CNTN6: variants seen among roughly 807,000 people sequenced by gnomAD.
CNTN6 encodes the protein contactin-6.
Under a neutral mutation model 122.8 loss-of-function variants are expected in CNTN6, and 137 were observed. The observed-to-expected ratio is 1.12, with a 90% confidence interval of 0.97 to 1.29. The LOEUF is 1.29. Ranked by LOEUF, CNTN6 falls within the 50% of genes most tolerant of loss-of-function variation. CNTN6 has a pLI of 0.00. For synonymous variants in CNTN6, 570 were observed against 426.0 expected (o/e 1.34, Z -4.16); for missense variants, 1,634 against 1,223.4 (o/e 1.34, Z -5.01).
At chr3:1,110,863 G>T (rs143935547) in intron 1 of CNTN6, among the ~76,000 whole-genome samples, 201 of 152,262 alleles carry the variant, frequency 1.3e-3, no homozygotes, top group African/African-American at 4.2e-3. Context: ...TCCGATGACA[G>T]AATCAACCTT....
Position 1,401,536 on chromosome 3 carries a change from G to A in CNTN6, c.2808G>A (p.Leu936=). Residue 936 remains leucine, a synonymous_variant, in exon 21 of 23, where the codon TTG becomes TTA. Coordinates refer to ENST00000446702, the MANE Select transcript of CNTN6 (RefSeq NM_001289080.2). ...CCATGGAAAATGAGTCTGAAGTTTTGGGGTACAAGGTGAGTTTTTAGTTTT... is the reference window on the plus strand; with the variant it reads ...CCATGGAAAATGAGTCTGAAGTTTTAGGGTACAAGGTGAGTTTTTAGTTTT... ...VKTMENESEV[L]GYKILYRQNR... is the part of the protein sequence containing the mutation. 2 of 1,608,150 alleles carry A rather than the reference G, an allele frequency of 1.2e-6. No individual in the cohort carries two copies. Among genetic ancestry groups the A allele is most frequent in the African/African-American group, 1.3e-5 (1 of 74,716 alleles).
chr3:1,330,874 A>C (rs265770), intron 11 of CNTN6, among the ~76,000 whole-genome samples: 1,816 of 152,056 alleles, frequency 0.012, 41 homozygotes, highest in African/African-American at 0.042. Flanking sequence ...GGATAGTCAC[A>C]ACTCCAAATT....
intron 11 of CNTN6, among the ~76,000 whole-genome samples, chr3:1,337,908 C>A (rs145855849): frequency 4.1e-4 from 62 of 152,174 alleles, no homozygotes; most frequent in African/African-American, 1.5e-3. Context: ...ATTCCCCTTT[C>A]TTTATCCCCA....
At chr3:1,139,806 T>C (rs1209981004) in intron 1 of CNTN6, among the ~76,000 whole-genome samples, 1 of 152,158 alleles carries the variant, frequency 6.6e-6, no homozygotes. Context: ...TGGTTACAGA[T>C]TGGCATTTGC....
At chr3:1,360,123 G>A (rs961229714) in intron 12 of CNTN6, among the ~76,000 whole-genome samples, 3 of 151,974 alleles carry the variant, frequency 2.0e-5, no homozygotes, top group Non-Finnish European at 2.9e-5. Flanking sequence ...GTTTGAAAGT[G>A]TCTTTATTCT....
intron 4 of CNTN6, among the ~76,000 whole-genome samples, chr3:1,241,744 A>G (rs2094487992): frequency 6.6e-6 from 1 of 152,332 alleles, no homozygotes; most frequent in Admixed American, 6.5e-5. Context: ...AAGAATATGC[A>G]GAGTCCTCCT....
At chr3:1,295,091 A>G (rs966296324) in intron 5 of CNTN6, among the ~76,000 whole-genome samples, 5 of 152,192 alleles carry the variant, frequency 3.3e-5, no homozygotes, top group African/African-American at 1.2e-4. Flanking sequence ...CATCTCTTTA[A>G]AAATAAAAAA....
chr3:1,245,300 A>ATATATAT (rs1559597356), intron 4 of CNTN6, among the ~76,000 whole-genome samples: 35 of 5,688 alleles, frequency 6.2e-3, no homozygotes, highest in Non-Finnish European at 9.8e-3. Context: ...TATAACATAT[A>ATATATAT]TATATATATA....
At chr3:1,229,214 G>T (rs2094323980) in intron 4 of CNTN6, among the ~76,000 whole-genome samples, 1 of 152,122 alleles carries the variant, frequency 6.6e-6, no homozygotes, top group Non-Finnish European at 1.5e-5. Context: ...TATAACACTT[G>T]ATTTCTTCAT....
chr3:1,282,619 G>A (rs1344758274), intron 5 of CNTN6, among the ~76,000 whole-genome samples: 2 of 152,130 alleles, frequency 1.3e-5, no homozygotes, highest in Non-Finnish European at 2.9e-5. Flanking sequence ...GAGAAATGTA[G>A]GTTTCACGAA....
At chr3:1,269,568 T>A (rs2094987745) in intron 4 of CNTN6, among the ~76,000 whole-genome samples, 1 of 152,220 alleles carries the variant, frequency 6.6e-6, no homozygotes, top group Non-Finnish European at 1.5e-5. Context: ...TTTATTTTTG[T>A]CATAAGTGTC....
intron 2 of CNTN6, among the ~76,000 whole-genome samples, chr3:1,199,593 T>C (rs1434435897): frequency 6.6e-6 from 1 of 152,194 alleles, no homozygotes. Context: ...AAAAATGCCA[T>C]GAAATATATT....
At chr3:1,363,093 C>T (rs1707714928) in intron 12 of CNTN6, among the ~76,000 whole-genome samples, 1 of 149,722 alleles carries the variant, frequency 6.7e-6, no homozygotes, top group South Asian at 2.1e-4. Context: ...ATCCCCATCA[C>T]TTAAAAAAAT....
intron 2 of CNTN6, among the ~76,000 whole-genome samples, chr3:1,199,823 A>G (rs925238223): frequency 1.3e-5 from 2 of 152,282 alleles, no homozygotes; most frequent in Admixed American, 6.5e-5. Context: ...CTTGTGAATC[A>G]TTTTGGCGTT....
intron 2 of CNTN6, among the ~76,000 whole-genome samples, chr3:1,160,711 T>C (rs973631102): frequency 1.3e-5 from 2 of 151,302 alleles, no homozygotes; most frequent in African/African-American, 4.8e-5. Flanking sequence ...TAGGCTTCCA[T>C]AGAATTTGTG....
intron 2 of CNTN6, among the ~76,000 whole-genome samples, chr3:1,207,007 T>C (rs913666555): frequency 6.6e-6 from 1 of 152,158 alleles, no homozygotes; most frequent in African/African-American, 2.4e-5. Context: ...TGTTTTGCTT[T>C]GTATACACTC....
intron 2 of CNTN6, among the ~76,000 whole-genome samples, chr3:1,168,786 T>C (rs998354672): frequency 6.6e-6 from 1 of 152,136 alleles, no homozygotes; most frequent in Non-Finnish European, 1.5e-5. Context: ...CAGAGCAATT[T>C]CTAGGCTTAG....
At chr3:1,126,395 T>C (rs1444437596) in intron 1 of CNTN6, among the ~76,000 whole-genome samples, 2 of 151,930 alleles carry the variant, frequency 1.3e-5, no homozygotes. Context: ...GAGAGTCCAT[T>C]TGGCTCAGAG....
chr3:1,343,175 A>G (rs1018113575), intron 11 of CNTN6, among the ~76,000 whole-genome samples: 9 of 152,214 alleles, frequency 5.9e-5, no homozygotes, highest in African/African-American at 2.2e-4. Context: ...GTAAAAATAC[A>G]TTGTATAATG....
Sources: allele counts gnomAD v4.1 joint callset (sites outside exome capture counted in the v4.1 genomes callset), GRCh38; gene constraint gnomAD v4.1.1; transcripts MANE v1.5; gene names NCBI Gene and HGNC (gene_info 2026-07-23, HGNC 2026-07-21).